WNK2: variants seen among roughly 807,000 people sequenced by gnomAD.
The protein encoded by WNK2 is serine/threonine-protein kinase WNK2.
A neutral mutation model predicts 192.1 loss-of-function variants in WNK2; 67 were observed. That is an observed-to-expected ratio of 0.35 (90% CI 0.29 to 0.43). The LOEUF is 0.43. Ranked by LOEUF, WNK2 falls within the 20% of genes least tolerant of loss-of-function variation. The pLI is 1.00. For synonymous variants in WNK2, 1,439 were observed against 1,393.9 expected, an observed-to-expected ratio of 1.03 and a Z score of -0.72; for missense variants, 2,698 against 3,089.7, an observed-to-expected ratio of 0.87 and a Z score of 3.01.
chr9:93,260,458 C>G (rs543266998), intron 12 of WNK2, among the ~76,000 whole-genome samples: 4 of 152,268 alleles, frequency 2.6e-5, no homozygotes, highest in Admixed American at 6.5e-5. Context: ...CCCTGTCAGC[C>G]CTGTAACTGT....
intron 7 of WNK2, among the ~76,000 whole-genome samples, chr9:93,241,620 C>T (rs942808801): frequency 6.6e-5 from 10 of 151,934 alleles, no homozygotes; most frequent in Non-Finnish European, 1.3e-4. Flanking sequence ...AAGGTTCCTG[C>T]GGAGGTCTGA....
rs537390502 is a variant in WNK2 at position 93,285,503 on chromosome 9, T to C, written c.4034-3285T>C. ...GTAACACAAAAATGCCAAACACCAG[T>C]GTATGAATCTAACGAAAAGTATGTA... On this transcript the variant is annotated intron_variant, in intron 19 of 29. Coordinates refer to ENST00000427277, the MANE Select transcript of WNK2 (RefSeq NM_006648.4). Among the ~76,000 whole-genome samples the C allele has an allele frequency of 3.9e-5, 6 of 152,126 alleles. No individual in the cohort carries two copies. In the South Asian group the frequency reaches 1.2e-3, roughly 32 times the overall value.
At chr9:93,211,507 C>T (rs1401107254) in intron 2 of WNK2, among the ~76,000 whole-genome samples, 1 of 150,870 alleles carries the variant, frequency 6.6e-6, no homozygotes, top group Non-Finnish European at 1.5e-5. Context: ...TTCATTCACT[C>T]ATCCACTCAC....
rs889491352 is a variant in WNK2, at chr9:93,308,361, A to G, written c.6293A>G (p.Glu2098Gly). 1 of 1,557,098 alleles carries G rather than the reference A, an allele frequency of 6.4e-7. No individual in the cohort carries two copies. Among genetic ancestry groups the G allele is most frequent in the African/African-American group, 1.4e-5 (1 of 73,344 alleles). ...ACCAGCAGCCTGGCCCCAGGCCCTG[A>G]GCCAGGCCCCCAGCCCGCCCTGCAC... ...SSTSSLAPGP[E>G]PGPQPALHVQ... The change falls in exon 28 of 30, where the codon GAG becomes GGG. Residue 2098 changes from glutamate (E) to glycine (G), a missense_variant. Around this residue, in one of 7 missense-constraint regions of WNK2, gnomAD observed 167 missense variants for 184.2 expected, o/e 0.91. Coordinates refer to ENST00000427277, the MANE Select transcript of WNK2 (RefSeq NM_006648.4).
At chr9:93,211,229 C>CTTAT (rs1563997208) in intron 2 of WNK2, among the ~76,000 whole-genome samples, 1 of 127,080 alleles carries the variant, frequency 7.9e-6, no homozygotes, top group Non-Finnish European at 1.6e-5. Flanking sequence ...CATCCACTCA[C>CTTAT]TCACTCACTC....
intron 2 of WNK2, among the ~76,000 whole-genome samples, chr9:93,222,609 C>A (rs1837110369): frequency 6.6e-6 from 1 of 152,290 alleles, no homozygotes; most frequent in East Asian, 1.9e-4. Context: ...GGCACATCAG[C>A]CTCCGTCTGT....
intron 14 of WNK2, 148 bp from the exon 15 acceptor site, chr9:93,263,418 G>C: frequency 1.1e-6 from 1 of 881,274 alleles, no homozygotes; most frequent in Non-Finnish European, 1.6e-6. Context: ...AAGCAGGCTT[G>C]GGGTATTCGC....
At chr9:93,271,226 C>T (rs1027783138) in intron 19 of WNK2, among the ~76,000 whole-genome samples, 1 of 152,150 alleles carries the variant, frequency 6.6e-6, no homozygotes, top group African/African-American at 2.4e-5. Context: ...CCATAGAAGG[C>T]GGGTTGCAAC....
At position 93,289,294 on chromosome 9, in the gene WNK2, C is replaced by T. The variant is rs1193093115; in HGVS notation, c.4540C>T (p.Leu1514Phe). ...VGAVSLATSQLPSPPLGPTVP... is the reference protein window; with the variant it reads ...VGAVSLATSQFPSPPLGPTVP... ...GGCCGTCAGCCTGGCCACCTCCCAGCTCCCAAGCCCACCCCTGGGGCCCAC... is the reference window on the plus strand; with the variant it reads ...GGCCGTCAGCCTGGCCACCTCCCAGTTCCCAAGCCCACCCCTGGGGCCCAC... The change falls in exon 20 of 30, where the codon CTC becomes TTC. Residue 1514 changes from leucine (L) to phenylalanine (F), a missense_variant. By Grantham distance (22) the Leu-to-Phe change is conservative. Around this residue, in one of 7 missense-constraint regions of WNK2, gnomAD observed 1,098 missense variants for 1,101.0 expected, o/e 1.00. Transcript: ENST00000427277. 1 of 1,598,992 alleles carries T rather than the reference C, an allele frequency of 6.3e-7. No homozygotes were observed. The highest frequency in any genetic ancestry group is 1.1e-5 in the South Asian group (1 of 89,254).
At chr9:93,277,013 C>T (rs983892760) in intron 19 of WNK2, among the ~76,000 whole-genome samples, 3 of 150,414 alleles carry the variant, frequency 2.0e-5, no homozygotes, top group Non-Finnish European at 3.0e-5. Context: ...CAAGCCTGGG[C>T]GAACGAGCTA....
intron 2 of WNK2, among the ~76,000 whole-genome samples, chr9:93,211,340 A>G (rs902190591): frequency 2.7e-5 from 4 of 147,828 alleles, no homozygotes; most frequent in African/African-American, 1.0e-4. Context: ...TCTTTGGTCT[A>G]CTCATTCACT....
intron 2 of WNK2, among the ~76,000 whole-genome samples, chr9:93,193,330 A>G (rs910756644): frequency 1.3e-5 from 2 of 152,174 alleles, no homozygotes; most frequent in African/African-American, 4.8e-5. Context: ...GCTGCCCTTC[A>G]TGGCTGGGGG....
At chr9:93,246,445 C>T (rs891779029) in intron 7 of WNK2, among the ~76,000 whole-genome samples, 3 of 152,206 alleles carry the variant, frequency 2.0e-5, no homozygotes, top group African/African-American at 4.8e-5. Context: ...GCGAAGGTGT[C>T]GGGAGCCTGC....
Position 93,298,177 on chromosome 9 carries a change from C to A in WNK2, c.5923+110C>A, listed in dbSNP as rs543647649. Reference sequence around the variant, plus strand: ...ACACCCTCGGACCTGGAAGACCACTCGGGGTTATCTCCTTACTGAATCTCC... The same window carrying A: ...ACACCCTCGGACCTGGAAGACCACTAGGGGTTATCTCCTTACTGAATCTCC... On this transcript the variant is annotated intron_variant, in intron 24 of 29. Coordinates refer to ENST00000427277, the MANE Select transcript of WNK2 (RefSeq NM_006648.4). 1.4e-5 allele frequency: 17 copies of A among 1,177,032 alleles called. No homozygotes were observed. The African/African-American group carries it at 2.4e-4, about 17-fold the overall frequency. 72.9% of individuals were successfully genotyped at this position (1,177,032 alleles called of 1,614,324 possible).
intron 8 of WNK2, among the ~76,000 whole-genome samples, chr9:93,248,466 A>AT (rs1842095472): frequency 6.6e-6 from 1 of 152,242 alleles, no homozygotes; most frequent in Admixed American, 6.5e-5. Flanking sequence ...CTGTCTGAGA[A>AT]TGACAGTTCT....
intron 4 of WNK2, 119 bp downstream of exon 4, chr9:93,231,227 C>T (rs1223699159): frequency 2.0e-6 from 2 of 1,015,954 alleles, no homozygotes; most frequent in African/African-American, 1.6e-5. Context: ...GGAGGAGCGT[C>T]TGGGCACGGG....
Position 93,289,265 on chromosome 9 carries a change from TG to T in WNK2, c.4516del (p.Ala1506ProfsTer83). The stretch of plus-strand genomic sequence containing the variant: ...CCTGCTCCCCTGCTTCCTGCCGCAG[TG>T]GGGGCCGTCAGCCTGGCCACCTCCC... ...GQPAPLLPAA[V>X]GAVSLATSQL... On this transcript the variant is annotated frameshift_variant, in exon 20 of 30. Coordinates refer to ENST00000427277, the MANE Select transcript of WNK2 (RefSeq NM_006648.4). LOFTEE classifies it high-confidence loss of function. 1 of 1,601,506 alleles carries T rather than the reference TG, an allele frequency of 6.2e-7. No individual in the cohort carries two copies.
intron 3 of WNK2, among the ~76,000 whole-genome samples, chr9:93,230,118 A>G (rs970621742): frequency 2.6e-5 from 4 of 151,858 alleles, no homozygotes; most frequent in Non-Finnish European, 4.4e-5. Context: ...CCCGGCACAT[A>G]CTCAGGCTCA....
rs1837764619 is a variant in WNK2 at position 93,226,078 on chromosome 9, TG to T, written c.682-3617del. On this transcript the variant is annotated intron_variant, in intron 2 of 29. Transcript: ENST00000427277. ...CTGGCTTGGTGTCCGTTTGACAGCG[TG>T]TAGAATTCTGAGTTAGCACTTTGAG... is the stretch of plus-strand genomic sequence containing the variant. Among the ~76,000 whole-genome samples the T allele has an allele frequency of 3.3e-5, 5 of 152,332 alleles. No individual in the cohort carries two copies. The South Asian group carries it at 1.0e-3, about 32-fold the overall frequency.
Sources: gnomAD v4.1 joint callset for allele counts (sites outside exome capture counted in the v4.1 genomes callset) on GRCh38, gnomAD v4.1.1 for gene constraint, gnomAD v4.1.1 regional missense constraint, MANE v1.5 for transcripts, NCBI Gene and HGNC (gene_info 2026-07-23, HGNC 2026-07-21) for gene names.